Variants in CERS6 observed in about 807,000 individuals in gnomAD.
The protein encoded by CERS6 is LAG1 homolog, ceramide synthase 6.
In CERS6, 26 loss-of-function variants were observed where a neutral mutation model predicts 56.8. The ratio of observed to expected loss-of-function variants is 0.46; its 90% CI spans 0.34 to 0.63. The LOEUF (loss-of-function observed/expected upper bound fraction) is 0.63. Ranked by LOEUF, CERS6 falls within the 30% of genes least tolerant of loss-of-function variation. The pLI, the probability that CERS6 is intolerant of heterozygous loss-of-function variation, is 0.01. For synonymous variants in CERS6, 164 were observed against 173.3 expected (o/e 0.95, Z 0.42); for missense variants, 415 against 467.5 (o/e 0.89, Z 1.04).
chr2:168,744,398 A>G (rs1684036049), intron 8 of CERS6, among the ~76,000 whole-genome samples: 2 of 151,782 alleles, frequency 1.3e-5, no homozygotes, highest in African/African-American at 2.4e-5. Flanking sequence ...ATCAGCTGCT[A>G]CGAACACACT....
At chr2:168,518,410 G>A (rs111435265) in intron 1 of CERS6, among the ~76,000 whole-genome samples, 6 of 152,296 alleles carry the variant, frequency 3.9e-5, no homozygotes, top group African/African-American at 1.4e-4. Flanking sequence ...CTTTGCCTAT[G>A]TGTAAGAAAT....
At chr2:168,722,069 T>C (rs1683190255) in intron 8 of CERS6, among the ~76,000 whole-genome samples, 2 of 152,242 alleles carry the variant, frequency 1.3e-5, no homozygotes, top group African/African-American at 4.8e-5. Flanking sequence ...ATTGTAGTTT[T>C]GATTTGCATT....
chr2:168,765,163 A>G (rs1327566490), intron 8 of CERS6, among the ~76,000 whole-genome samples: 1 of 152,234 alleles, frequency 6.6e-6, no homozygotes, highest in East Asian at 1.9e-4. Flanking sequence ...TCACAGAGAC[A>G]GGAAGGAGAA....
intron 2 of CERS6, among the ~76,000 whole-genome samples, chr2:168,552,182 A>G (rs929678895): frequency 6.6e-6 from 1 of 152,130 alleles, no homozygotes; most frequent in African/African-American, 2.4e-5. Context: ...TTTGCCTCCC[A>G]GTACTGGTTA....
In CERS6 at chr2:168,769,698, A is replaced by C. The variant is rs761258895; in HGVS notation, c.*36A>C. ...CTACAAGTCCCAAGCAAAGTGAACT[A>C]TTTGTTCCTGGAAGTATTTAATAAG... On this transcript the variant is annotated 3_prime_UTR_variant, in exon 10 of 10. Coordinates refer to ENST00000305747, the MANE Select transcript of CERS6 (RefSeq NM_203463.3). The C allele has an allele frequency of 1.3e-6, 2 of 1,596,878 alleles. No individual in the cohort carries two copies. The highest frequency in any genetic ancestry group is 1.8e-5 in the Admixed American group (1 of 56,556).
chr2:168,582,804 G>A (rs546501758), intron 3 of CERS6: 1 of 154,196 alleles, frequency 6.5e-6, no homozygotes, highest in East Asian at 1.9e-4. Flanking sequence ...GATTCACAGT[G>A]AGCTAGTGAA....
chr2:168,537,993 G>C (rs1288149980), intron 1 of CERS6, among the ~76,000 whole-genome samples: 2 of 152,050 alleles, frequency 1.3e-5, no homozygotes, highest in African/African-American at 2.4e-5. Context: ...TCTGTCAGTG[G>C]ATCCTGTGAG....
chr2:168,768,920 A>G (rs1684794972), intron 9 of CERS6, among the ~76,000 whole-genome samples: 1 of 150,570 alleles, frequency 6.6e-6, no homozygotes, highest in African/African-American at 2.5e-5. Context: ...AAAAAAAAAA[A>G]AAGAAAAGAA....
rs192496841 is a variant in CERS6, at chr2:168,572,536, A to G, written c.407+11214A>G. 2.4e-4 allele frequency among the ~76,000 whole-genome samples: 36 copies of G among 151,026 alleles called. No homozygotes were observed. The East Asian group carries it at 6.8e-3, about 28-fold the overall frequency. ...TAATAATATAATATTTTACGTATAT[A>G]TATAATATTATGTATTATATAATAG... On this transcript the variant is annotated intron_variant, in intron 3 of 9. Transcript: ENST00000305747.
At chr2:168,510,919 A>G (rs1277907758) in intron 1 of CERS6, among the ~76,000 whole-genome samples, 1 of 152,246 alleles carries the variant, frequency 6.6e-6, no homozygotes, top group East Asian at 1.9e-4. Context: ...ATTGAGGAAT[A>G]GAGACAAGCT....
intron 1 of CERS6, among the ~76,000 whole-genome samples, chr2:168,484,338 T>C (rs963443638): frequency 2.0e-5 from 3 of 151,864 alleles, no homozygotes; most frequent in Non-Finnish European, 4.4e-5. Flanking sequence ...TTCACCTCCA[T>C]GCCCGGCTAA....
chr2:168,759,317 A>C (rs1368774605), intron 8 of CERS6, among the ~76,000 whole-genome samples: 1 of 152,182 alleles, frequency 6.6e-6, no homozygotes, highest in African/African-American at 2.4e-5. Flanking sequence ...CCTGTAGATC[A>C]AGTGTTTTCT....
At chr2:168,644,956 G>A (rs1685138884) in intron 4 of CERS6, among the ~76,000 whole-genome samples, 2 of 150,214 alleles carry the variant, frequency 1.3e-5, no homozygotes. Context: ...GGCAGGCATG[G>A]TGGTGCACAC....
intron 6 of CERS6, among the ~76,000 whole-genome samples, chr2:168,698,773 T>C (rs1187641630): frequency 3.3e-5 from 5 of 152,158 alleles, no homozygotes; most frequent in Admixed American, 2.6e-4. Context: ...ATAACATCAG[T>C]GGAAAACACC....
At chr2:168,537,837 T>TA (rs1480382719) in intron 1 of CERS6, among the ~76,000 whole-genome samples, 1 of 152,204 alleles carries the variant, frequency 6.6e-6, no homozygotes, top group Non-Finnish European at 1.5e-5. Context: ...GACATCTCCA[T>TA]TTATAAGCCT....
intron 2 of CERS6, among the ~76,000 whole-genome samples, chr2:168,552,374 A>G (rs1442238524): frequency 8.0e-6 from 1 of 125,054 alleles, no homozygotes; most frequent in Non-Finnish European, 1.9e-5. Flanking sequence ...ACACACACAC[A>G]CACACACACA....
chr2:168,683,192 A>C (rs564774486), intron 4 of CERS6, among the ~76,000 whole-genome samples: 1 of 152,324 alleles, frequency 6.6e-6, no homozygotes, highest in Non-Finnish European at 1.5e-5. Context: ...CTCTTGATAT[A>C]TGTTACCAAA....
At chr2:168,460,229 C>G (rs942700174) in intron 1 of CERS6, among the ~76,000 whole-genome samples, 2 of 151,736 alleles carry the variant, frequency 1.3e-5, no homozygotes, top group Non-Finnish European at 1.5e-5. Flanking sequence ...TGTTCTCCCT[C>G]CATCACCCAT....
At chr2:168,763,240 C>CA (rs1684629414) in intron 8 of CERS6, among the ~76,000 whole-genome samples, 1 of 105,890 alleles carries the variant, frequency 9.4e-6, no homozygotes. Flanking sequence ...CTCTCTCTCT[C>CA]TTTTTTTTTT....
Sources: gnomAD v4.1 joint callset for allele counts (sites outside exome capture counted in the v4.1 genomes callset) on GRCh38, gnomAD v4.1.1 for gene constraint, MANE v1.5 for transcripts, NCBI Gene and HGNC (gene_info 2026-07-23, HGNC 2026-07-21) for gene names.